Variants in TMEM184C observed in about 807,000 individuals in gnomAD.
TMEM184C encodes transmembrane protein 34.
A neutral mutation model predicts 54.5 loss-of-function variants in TMEM184C; 25 were observed. The ratio of observed to expected loss-of-function variants is 0.46; its 90% CI spans 0.33 to 0.64. TMEM184C has a LOEUF of 0.64. Ranked by LOEUF, TMEM184C falls within the 30% of genes least tolerant of loss-of-function variation. TMEM184C has a pLI of 0.02. For synonymous variants in TMEM184C, 148 were observed against 181.5 expected (o/e 0.82, Z 1.49); for missense variants, 335 against 520.3 (o/e 0.64, Z 3.46).
chr4:147,626,193 T>C (rs1272877641), intron 4 of TMEM184C, among the ~76,000 whole-genome samples: 1 of 152,162 alleles, frequency 6.6e-6, no homozygotes, highest in Non-Finnish European at 1.5e-5. Flanking sequence ...TCCTAAACCA[T>C]AATTTCTAAT....
Position 147,617,738 on chromosome 4 carries a change from C to A in TMEM184C, c.-219C>A. ...TGGAGAAGAAAGGATGTTGCCTGCA[C>A]TGCTCGCCAATAGCACCCTGAGAGG... On this transcript the variant is annotated 5_prime_UTR_variant, in exon 1 of 10. In the 5' UTR this introduces an upstream ATG that the reference lacks. Transcript: ENST00000296582. 1.8e-6 allele frequency: 1 copy of A among 548,760 alleles called. No homozygotes were observed. The highest frequency in any genetic ancestry group is 3.3e-6 in the Non-Finnish European group (1 of 304,896). The allele number at this position is 548,760 out of a possible 1,614,324, so 34.0% of individuals were successfully genotyped here.
intron 9 of TMEM184C, 110 bp from the exon 10 acceptor site, chr4:147,634,059 C>CTCA: frequency 6.6e-7 from 1 of 1,511,766 alleles, no homozygotes; most frequent in East Asian, 2.3e-5. Flanking sequence ...ACAGTGCAGG[C>CTCA]TCATCAACTT....
chr4:147,618,115 C>A (rs767931767), intron 1 of TMEM184C, 36 bp downstream of exon 1: 1 of 1,612,442 alleles, frequency 6.2e-7, no homozygotes. Context: ...TGTACACTTT[C>A]TTCTACCCAT....
intron 1 of TMEM184C, among the ~76,000 whole-genome samples, chr4:147,621,857 G>A (rs1391973434): frequency 1.3e-5 from 2 of 152,100 alleles, no homozygotes; most frequent in Non-Finnish European, 2.9e-5. Flanking sequence ...ATAGCACACT[G>A]AGGACACTTG....
intron 1 of TMEM184C, among the ~76,000 whole-genome samples, chr4:147,621,306 A>T (rs1732704178): frequency 6.6e-6 from 1 of 152,126 alleles, no homozygotes; most frequent in Non-Finnish European, 1.5e-5. Flanking sequence ...TTGCTGAGGG[A>T]GAGTTAACTT....
At chr4:147,633,986 A>G in intron 9 of TMEM184C, 50 bp downstream of exon 9, 1 of 1,571,120 alleles carries the variant, frequency 6.4e-7, no homozygotes. Flanking sequence ...AGGATATTGA[A>G]TTTCTCCTAC....
chr4:147,618,214 T>C (rs1732636831), intron 1 of TMEM184C, 135 bp downstream of exon 1: 1 of 1,273,892 alleles, frequency 7.8e-7, no homozygotes, highest in Non-Finnish European at 1.1e-6. Context: ...TCTTAGGATA[T>C]AAACCTGTCT....
At position 147,628,423 on chromosome 4, in the gene TMEM184C, C is replaced by T. The variant is rs750800111; in HGVS notation, c.560C>T (p.Thr187Ile). 9 of 1,613,546 alleles carry T rather than the reference C, an allele frequency of 5.6e-6. No individual in the cohort carries two copies. The highest frequency in any genetic ancestry group is 7.6e-6 in the Non-Finnish European group (9 of 1,179,834). Residue 187 changes from threonine (T) to isoleucine (I), a missense_variant, in exon 5 of 10, where the codon ACC becomes ATC. Transcript: ENST00000296582. The part of the protein sequence containing the change: ...LQYTVVRPFT[T>I]IVALICELLG... Reference sequence around the variant, plus strand: ...TACACAGTTGTCAGACCTTTCACCACCATCGTTGCTTTGTAAGTACTCGGA... The same window carrying T: ...TACACAGTTGTCAGACCTTTCACCATCATCGTTGCTTTGTAAGTACTCGGA...
chr4:147,625,785 C>A (rs1310743505), intron 4 of TMEM184C, among the ~76,000 whole-genome samples: 1 of 152,150 alleles, frequency 6.6e-6, no homozygotes, highest in Non-Finnish European at 1.5e-5. Flanking sequence ...TTCACTTTGC[C>A]AGCCACCTAG....
intron 1 of TMEM184C, among the ~76,000 whole-genome samples, chr4:147,618,514 G>C (rs752530073): frequency 2.0e-5 from 3 of 152,010 alleles, no homozygotes; most frequent in Non-Finnish European, 4.4e-5. Context: ...TTTTTACTGT[G>C]GAAATTAGCT....
chr4:147,624,849 T>C lies in TMEM184C; in HGVS notation c.337T>C (p.Cys113Arg). The C allele has an allele frequency of 1.2e-6, 2 of 1,613,918 alleles. No homozygotes were observed. The highest frequency in any genetic ancestry group is 1.7e-6 in the Non-Finnish European group (2 of 1,179,874). Residue 113 changes from cysteine (C) to arginine (R), a missense_variant, in exon 4 of 10, where the codon TGC (cysteine) becomes CGC (arginine). Physicochemically the swap from Cys to Arg is radical, Grantham distance 180. Coordinates refer to ENST00000296582, the MANE Select transcript of TMEM184C (RefSeq NM_018241.3). ...YPGIAIYVDT[C>R]RECYEAYVIY... ...CGGAATTGCAATATATGTGGATACCTGCAGAGAATGCTATGAAGCTTATGT... is the reference window on the plus strand; with the variant it reads ...CGGAATTGCAATATATGTGGATACCCGCAGAGAATGCTATGAAGCTTATGT...
intron 1 of TMEM184C, among the ~76,000 whole-genome samples, chr4:147,620,070 G>T (rs1265232214): frequency 1.3e-5 from 2 of 152,076 alleles, no homozygotes; most frequent in African/African-American, 4.8e-5. Context: ...TTTGCACGAT[G>T]TTTCCCCTTC....
Position 147,617,668 on chromosome 4 carries a change from G to A in TMEM184C, c.-289G>A. ...GGGCGATCCCCAGGTGAGGGCAGCG[G>A]CTCTGCCTGGGATTCCACCGCAGTA... On this transcript the variant is annotated 5_prime_UTR_variant, in exon 1 of 10. Coordinates refer to ENST00000296582, the MANE Select transcript of TMEM184C (RefSeq NM_018241.3). 1 of 375,436 alleles carries A rather than the reference G, an allele frequency of 2.7e-6. No individual in the cohort carries two copies. Among genetic ancestry groups the A allele is most frequent in the African/African-American group, 2.1e-5 (1 of 48,206 alleles). The allele number at this position is 375,436 out of a possible 1,614,324, so 23.3% of individuals were successfully genotyped here.
Position 147,617,769 on chromosome 4 carries a change from T to A in TMEM184C, c.-188T>A. Reference sequence around the variant, plus strand: ...GCCAATAGCACCCTGAGAGGCTACATTTGCAGAAGCAGCAGCAGCAGAAGA... The same window carrying A: ...GCCAATAGCACCCTGAGAGGCTACAATTGCAGAAGCAGCAGCAGCAGAAGA... On this transcript the variant is annotated 5_prime_UTR_variant, in exon 1 of 10. Coordinates refer to ENST00000296582, the MANE Select transcript of TMEM184C (RefSeq NM_018241.3). 1 of 706,310 alleles carries A rather than the reference T, an allele frequency of 1.4e-6. No individual in the cohort carries two copies. The highest frequency in any genetic ancestry group is 2.4e-6 in the Non-Finnish European group (1 of 414,104). The allele number at this position is 706,310 out of a possible 1,614,324, so 43.8% of individuals were successfully genotyped here.
intron 4 of TMEM184C, among the ~76,000 whole-genome samples, chr4:147,627,583 A>G (rs567910520): frequency 7.7e-4 from 117 of 152,342 alleles, no homozygotes; most frequent in African/African-American, 1.6e-3. Context: ...GTTTGAGACT[A>G]GCCTGGGCAA....
chr4:147,630,328 T>C (rs1383036017), intron 6 of TMEM184C, among the ~76,000 whole-genome samples: 3 of 152,202 alleles, frequency 2.0e-5, no homozygotes, highest in East Asian at 3.9e-4. Flanking sequence ...TGGTTGGTAT[T>C]AGAGCTTTAT....
chr4:147,625,659 CTATT>C (rs1275546910), intron 4 of TMEM184C, among the ~76,000 whole-genome samples: 5 of 152,036 alleles, frequency 3.3e-5, no homozygotes, highest in Non-Finnish European at 5.9e-5. Flanking sequence ...TTATAATAAT[CTATT>C]TGTGAAATAA....
In TMEM184C at chr4:147,617,790, G is replaced by GCAA. The variant is rs1345026464; in HGVS notation, c.-167_-166insCAA. 1.5e-5 allele frequency: 13 copies of GCAA among 865,648 alleles called. No homozygotes were observed. Among genetic ancestry groups the GCAA allele is most frequent in the Non-Finnish European group, 2.2e-5 (12 of 539,010 alleles). 53.6% of individuals were successfully genotyped at this position (865,648 alleles called of 1,614,324 possible). A position where few individuals can be genotyped will look rare whatever the true frequency, so the allele number is the denominator to read the frequency against. ...TACATTTGCAGAAGCAGCAGCAGCA[G>GCAA]AAGACACAGCGCCGGTCCAGGAGGC... On this transcript the variant is annotated 5_prime_UTR_variant, in exon 1 of 10. Coordinates refer to ENST00000296582, the MANE Select transcript of TMEM184C (RefSeq NM_018241.3).
intron 1 of TMEM184C, among the ~76,000 whole-genome samples, chr4:147,620,809 T>C (rs189923850): frequency 9.5e-4 from 145 of 152,268 alleles, no homozygotes; most frequent in African/African-American, 3.2e-3. Flanking sequence ...TTGAGAGAAA[T>C]TGAGTTCTGT....
Sources: allele counts gnomAD v4.1 joint callset (sites outside exome capture counted in the v4.1 genomes callset), GRCh38; gene constraint gnomAD v4.1.1; transcripts MANE v1.5; gene names NCBI Gene and HGNC (gene_info 2026-07-23, HGNC 2026-07-21).